KIF20A: variants seen among roughly 807,000 people sequenced by gnomAD.
KIF20A encodes kinesin family member 20A.
Under a neutral mutation model 113.0 loss-of-function variants are expected in KIF20A, and 66 were observed. The observed-to-expected ratio is 0.58, with a 90% confidence interval of 0.48 to 0.72. The LOEUF is 0.72. KIF20A is among the 30% of genes least tolerant of loss of function. The pLI, the probability that KIF20A is intolerant of heterozygous loss-of-function variation, is 0.00. For missense variants in KIF20A, 927 were observed against 1,077.6 expected, an observed-to-expected ratio of 0.86 and a Z score of 1.96; for synonymous variants, 376 against 402.3, an observed-to-expected ratio of 0.93 and a Z score of 0.78.
chr5:138,180,736 C>T (rs578222880), intron 2 of KIF20A, among the ~76,000 whole-genome samples: 1 of 152,192 alleles, frequency 6.6e-6, no homozygotes, highest in African/African-American at 2.4e-5. Flanking sequence ...TGTGCAGTGG[C>T]ACAATCTCTG....
At chr5:138,182,496 C>G (rs1754674948) in intron 5 of KIF20A, 35 bp downstream of exon 5, 3 of 1,612,148 alleles carry the variant, frequency 1.9e-6, no homozygotes, top group Non-Finnish European at 2.5e-6. Flanking sequence ...TCCTGATTGG[C>G]TGGTAATGGT....
intron 2 of KIF20A, 116 bp from the exon 3 acceptor site, chr5:138,181,306 C>A: frequency 1.3e-6 from 1 of 787,274 alleles, no homozygotes; most frequent in South Asian, 1.6e-5. Flanking sequence ...TGCACAGAGA[C>A]ATTTGAGGTG....
rs766396022 is a variant in KIF20A at position 138,187,385 on chromosome 5, A to C, written c.2645A>C (p.Lys882Thr). 9.4e-5 allele frequency: 151 copies of C among 1,613,362 alleles called. No homozygotes were observed. Among genetic ancestry groups the C allele is most frequent in the Non-Finnish European group, 1.2e-4 (146 of 1,179,600 alleles). ...CGCTCACGGCGTTCCCCTTTACTCAAATCTGGGCCTTTTGGCAAAAAGTAC... is the reference window on the plus strand; with the variant it reads ...CGCTCACGGCGTTCCCCTTTACTCACATCTGGGCCTTTTGGCAAAAAGTAC... ...ILRSRRSPLLKSGPFGKKY is the reference protein window; with the variant it reads ...ILRSRRSPLLTSGPFGKKY Residue 882 changes from lysine to threonine, a missense_variant, in exon 19 of 19, where the codon AAA becomes ACA. By Grantham distance (78) the Lys-to-Thr change is moderately conservative. Coordinates refer to ENST00000394894, the MANE Select transcript of KIF20A (RefSeq NM_005733.3).
At chr5:138,182,279 G>A in intron 4 of KIF20A, 44 bp from the exon 5 acceptor site, 1 of 1,595,020 alleles carries the variant, frequency 6.3e-7, no homozygotes, top group Non-Finnish European at 8.5e-7. Flanking sequence ...GGAGGCAAGT[G>A]GGAGATGAAG....
In KIF20A at chr5:138,185,168, C is replaced by CT; in HGVS notation, c.1898dup (p.Thr634AspfsTer13). On this transcript the variant is annotated frameshift_variant, in exon 15 of 19. Transcript: ENST00000394894. LOFTEE classifies it high-confidence loss of function. ...AAAACTAAATATCCTCAAGGAGTCA[C>CT]TGACAAGTTTTTACCAAGAAGAGAT... 6.2e-7 allele frequency: 1 copy of CT among 1,613,764 alleles called. No homozygotes were observed. The highest frequency in any genetic ancestry group is 2.2e-5 in the East Asian group (1 of 44,888).
intron 2 of KIF20A, among the ~76,000 whole-genome samples, chr5:138,180,812 A>T (rs2151232066): frequency 6.6e-6 from 1 of 152,220 alleles, no homozygotes; most frequent in Middle Eastern, 3.4e-3. Context: ...GAGTAGCTGG[A>T]ATTACAGGCA....
chr5:138,187,597 TTTTA>T lies in KIF20A; in HGVS notation c.*189_*192del, dbSNP rs993735344. 3 of 489,938 alleles carry T rather than the reference TTTTA, an allele frequency of 6.1e-6. No homozygotes were observed. The highest frequency in any genetic ancestry group is 5.7e-5 in the African/African-American group (3 of 52,176). 30.3% of individuals were successfully genotyped at this position (489,938 alleles called of 1,614,324 possible). Reference sequence around the variant, plus strand: ...TATGTAATCTCATGTTGTTGTTTTTTTTTATTTACTTATATGATTTCTATGCACA... The same window carrying T: ...TATGTAATCTCATGTTGTTGTTTTTTTTTACTTATATGATTTCTATGCACA... On this transcript the variant is annotated 3_prime_UTR_variant, in exon 19 of 19. Coordinates refer to ENST00000394894, the MANE Select transcript of KIF20A (RefSeq NM_005733.3).
chr5:138,181,076 G>T (rs563448174), intron 2 of KIF20A, among the ~76,000 whole-genome samples: 2 of 152,340 alleles, frequency 1.3e-5, no homozygotes, highest in African/African-American at 4.8e-5. Flanking sequence ...ATAATTCAAG[G>T]TCTCATAGTT....
At chr5:138,179,421 CT>C (rs773896548) in intron 1 of KIF20A, 26 of 457,700 alleles carry the variant, frequency 5.7e-5, no homozygotes, top group African/African-American at 3.0e-4. Flanking sequence ...TAGCCTTCTG[CT>C]TTTGGAGCCA....
At position 138,183,008 on chromosome 5, in the gene KIF20A, G is replaced by T. The variant is rs764855719; in HGVS notation, c.832+18G>T. 3.1e-6 allele frequency: 5 copies of T among 1,613,510 alleles called. No individual in the cohort carries two copies. The highest frequency in any genetic ancestry group is 2.2e-5 in the South Asian group (2 of 91,030). The stretch of plus-strand genomic sequence containing the variant: ...GCTGGATGGTATGTACCGTGACTGG[G>T]CTCTGCCAAAAAATAGTAGGAACTC... On this transcript the variant is annotated intron_variant, in intron 7 of 18. Coordinates refer to ENST00000394894, the MANE Select transcript of KIF20A (RefSeq NM_005733.3). This position sits in a 1 kb window ranked among gnomAD's most constrained non-coding sequence, Gnocchi z 5.2.
chr5:138,183,633 C>CCT lies in KIF20A; in HGVS notation c.1140-52_1140-51dup, dbSNP rs748315620. On this transcript the variant is annotated intron_variant, in intron 9 of 18. Transcript: ENST00000394894. The surrounding 1 kb of genome is among the most constrained non-coding windows in gnomAD (Gnocchi z 5.2). The stretch of plus-strand genomic sequence containing the variant: ...TCACTGTGTTCCAGGAAACATTAGT[C>CCT]CTCTGCCTGGTCATGGAAAATGTGC... 1.4e-5 allele frequency: 23 copies of CCT among 1,605,392 alleles called. No homozygotes were observed. In the Admixed American group the frequency reaches 3.5e-4, roughly 24 times the overall value.
intron 11 of KIF20A, 53 bp from the exon 12 acceptor site, chr5:138,184,186 C>T: frequency 1.2e-6 from 2 of 1,610,378 alleles, no homozygotes; most frequent in East Asian, 2.2e-5. Context: ...TGCTAGGATA[C>T]CCAAAGGGCT....
At chr5:138,186,520 A>G in intron 18 of KIF20A, 89 bp downstream of exon 18, 1 of 1,422,502 alleles carries the variant, frequency 7.0e-7, no homozygotes, top group Non-Finnish European at 9.5e-7. Flanking sequence ...GAAAAAGGTA[A>G]AGATTTTTAG....
rs762545036 is a variant in KIF20A, at chr5:138,183,217, C to T, written c.881C>T (p.Pro294Leu). Residue 294 changes from proline to leucine, a missense_variant, in exon 8 of 19, where the codon CCG becomes CTG. Transcript: ENST00000394894. The surrounding 1 kb of genome is among the most constrained non-coding windows in gnomAD (Gnocchi z 5.2). ...CCAGACACTGCCCCACTACCTGTCC[C>T]GGCAAACATTCGCTTCTCCATCTGG... Reference protein sequence around the residue: ...AQPDTAPLPVPANIRFSIWIS... With the variant: ...AQPDTAPLPVLANIRFSIWIS... The T allele has an allele frequency of 1.4e-5, 23 of 1,614,076 alleles. No individual in the cohort carries two copies. Among genetic ancestry groups the T allele is most frequent in the Admixed American group, 1.7e-5 (1 of 60,004 alleles).
intron 1 of KIF20A, chr5:138,179,453 C>A (rs1661600121): frequency 1.9e-6 from 1 of 516,394 alleles, no homozygotes. Context: ...GACTTCTGTT[C>A]GCGTTCAGAA....
chr5:138,184,996 G>C lies in KIF20A; in HGVS notation c.1823+50G>C, dbSNP rs761267109. ...CTCTGTCACCTGAGACAGAGGGTGG[G>C]AAGTAAGGAGTTAGGTGGAGTTGTG... is the stretch of plus-strand genomic sequence containing the variant. On this transcript the variant is annotated intron_variant, in intron 14 of 18. Transcript: ENST00000394894. 4 of 1,607,238 alleles carry C rather than the reference G, an allele frequency of 2.5e-6. No homozygotes were observed. The South Asian group carries it at 4.4e-5, about 18-fold the overall frequency.
At position 138,185,193 on chromosome 5, in the gene KIF20A, T is replaced by C. The variant is rs371593852; in HGVS notation, c.1922T>C (p.Ile641Thr). The C allele has an allele frequency of 1.9e-6, 3 of 1,607,372 alleles. No homozygotes were observed. Among genetic ancestry groups the C allele is most frequent in the Middle Eastern group, 1.7e-4 (1 of 6,050 alleles). ...ESLTSFYQEEIQERDEKIEEL... is the reference protein window; with the variant it reads ...ESLTSFYQEETQERDEKIEEL... Reference sequence around the variant, plus strand: ...CTGACAAGTTTTTACCAAGAAGAGATTCAGGTGAGTTGCCCTGAGCCAGCT... The same window carrying C: ...CTGACAAGTTTTTACCAAGAAGAGACTCAGGTGAGTTGCCCTGAGCCAGCT... The change falls in exon 15 of 19, where the codon ATT becomes ACT. Residue 641 changes from isoleucine (I) to threonine (T), a missense_variant. Coordinates refer to ENST00000394894, the MANE Select transcript of KIF20A (RefSeq NM_005733.3).
rs745329829 is a variant in KIF20A at position 138,183,657 on chromosome 5, G to T, written c.1140-31G>T. The T allele has an allele frequency of 6.2e-7, 1 of 1,609,264 alleles. No individual in the cohort carries two copies. The highest frequency in any genetic ancestry group is 8.5e-7 in the Non-Finnish European group (1 of 1,175,828). ...TCCTCTGCCTGGTCATGGAAAATGT[G>T]CAATGACTTTTTGTTTTTCTTAACT... On this transcript the variant is annotated intron_variant, in intron 9 of 18. Transcript: ENST00000394894. The surrounding 1 kb of genome is among the most constrained non-coding windows in gnomAD (Gnocchi z 5.2).
intron 4 of KIF20A, chr5:138,182,028 G>C (rs1754669197): frequency 1.8e-6 from 1 of 565,670 alleles, no homozygotes; most frequent in Non-Finnish European, 3.1e-6. Flanking sequence ...CCTGAGTCTA[G>C]ATCCATGTAT....
Sources: gnomAD v4.1 joint callset for allele counts (sites outside exome capture counted in the v4.1 genomes callset) on GRCh38, gnomAD v4.1.1 for gene constraint, Gnocchi (gnomAD v3.1) non-coding constraint, MANE v1.5 for transcripts, NCBI Gene and HGNC (gene_info 2026-07-23, HGNC 2026-07-21) for gene names.